ELP1: variants seen among roughly 807,000 people sequenced by gnomAD.
ELP1 encodes elongator acetyltransferase complex subunit 1.
A neutral mutation model predicts 183.2 loss-of-function variants in ELP1; 131 were observed. The ratio of observed to expected loss-of-function variants is 0.72; its 90% CI spans 0.62 to 0.83. ELP1 has a LOEUF of 0.83. ELP1 is among the 40% of genes least tolerant of loss of function. The pLI is 0.00. For missense variants in ELP1, 1,550 were observed against 1,594.9 expected (o/e 0.97, Z 0.48); for synonymous variants, 555 against 569.0 (o/e 0.98, Z 0.35).
At position 108,901,310 on chromosome 9, in the gene ELP1, C is replaced by G. The variant is rs1587896667; in HGVS notation, c.2014+115G>C. The G allele has an allele frequency of 2.7e-6, 2 of 738,894 alleles. 1 individual carries two copies. The highest frequency in any genetic ancestry group is 5.4e-5 in the East Asian group (2 of 37,382). 45.8% of individuals were successfully genotyped at this position (738,894 alleles called of 1,614,324 possible). The stretch of plus-strand genomic sequence containing the variant: ...AGTAAAATAACTCTAAAGATTTTCT[C>G]CAGCCTAGGACTCCTTGATAAAAAG... On this transcript the variant is annotated intron_variant, in intron 18 of 36. Coordinates refer to ENST00000374647, the MANE Select transcript of ELP1 (RefSeq NM_003640.5).
intron 15 of ELP1, 77 bp from the exon 16 acceptor site, chr9:108,903,019 A>G: frequency 1.0e-6 from 1 of 985,464 alleles, no homozygotes; most frequent in South Asian, 1.3e-5. Context: ...ACATTTGCTA[A>G]AACACTTAAC....
At chr9:108,912,526 A>C in intron 10 of ELP1, 32 bp from the exon 11 acceptor site, 1 of 1,524,636 alleles carries the variant, frequency 6.6e-7, no homozygotes, top group South Asian at 1.1e-5. Context: ...AGGCCGTTAG[A>C]GGCTGGGAAG....
intron 10 of ELP1, among the ~76,000 whole-genome samples, chr9:108,914,349 G>C (rs1413180291): frequency 7.9e-6 from 1 of 126,162 alleles, no homozygotes; most frequent in East Asian, 2.9e-4. Flanking sequence ...CAGTGACCGA[G>C]ATCGGGCCAC....
chr9:108,906,079 A>G (rs1266724007), intron 14 of ELP1, among the ~76,000 whole-genome samples: 1 of 152,162 alleles, frequency 6.6e-6, no homozygotes, highest in Non-Finnish European at 1.5e-5. Context: ...AAGTTGCTTC[A>G]TCTACTAATA....
intron 28 of ELP1, 154 bp from the exon 29 acceptor site, chr9:108,889,547 G>A: frequency 2.8e-6 from 2 of 712,172 alleles, no homozygotes; most frequent in Non-Finnish European, 2.5e-6. Context: ...TATCTTAAAT[G>A]GCAGCTAGAA....
At position 108,909,599 on chromosome 9, in the gene ELP1, AG is replaced by A. The variant is rs560082583; in HGVS notation, c.1361-1196del. Reference sequence around the variant, plus strand: ...TCCCCAGTGGGTTCTTTAACTTCTCAGGGTTTTTACTTCATGGATTTGTTAT... The same window carrying A: ...TCCCCAGTGGGTTCTTTAACTTCTCAGGTTTTTACTTCATGGATTTGTTAT... On this transcript the variant is annotated intron_variant, in intron 12 of 36. Transcript: ENST00000374647. Among the ~76,000 whole-genome samples the A allele has an allele frequency of 7.0e-4, 106 of 152,240 alleles. 4 individuals carry two copies. The South Asian group carries it at 0.021, about 31-fold the overall frequency.
chr9:108,874,244 T>C (rs973458470), intron 36 of ELP1, among the ~76,000 whole-genome samples: 1 of 152,198 alleles, frequency 6.6e-6, no homozygotes, highest in African/African-American at 2.4e-5. Flanking sequence ...GATCCAACTA[T>C]AAGTAAGGGC....
rs908952171 is a variant in ELP1 at position 108,908,385 on chromosome 9, G to A, written c.1380C>T (p.Asp460=). 1 of 1,614,008 alleles carries A rather than the reference G, an allele frequency of 6.2e-7. No homozygotes were observed. ...CCACAGCTCCCAGTTTCACTGTAGG[G>A]TCAGCACTTGGACAATCACCTGGAA... ...VYKCGDCPSA[D]PTVKLGAVGG... The change falls in exon 13 of 37, where the codon GAC becomes GAT. Residue 460 remains aspartate, a synonymous_variant. Coordinates refer to ENST00000374647, the MANE Select transcript of ELP1 (RefSeq NM_003640.5).
Position 108,893,006 on chromosome 9 carries a change from G to A in ELP1, c.2938C>T (p.Pro980Ser), listed in dbSNP as rs1278748548. ...LYNEALKLYS[P>S]SSQQYQDISI... ...CATACCTGGTACTGTTGTGAGCTTG[G>A]TGAATATAACTTCAGAGCTTCGTTA... The change falls in exon 27 of 37, where the codon CCA (proline) becomes TCA (serine). Residue 980 changes from proline (P) to serine (S), a missense_variant. Transcript: ENST00000374647. The A allele has an allele frequency of 1.9e-6, 3 of 1,613,386 alleles. No individual in the cohort carries two copies. The highest frequency in any genetic ancestry group is 2.5e-6 in the Non-Finnish European group (3 of 1,179,444).
intron 35 of ELP1, among the ~76,000 whole-genome samples, chr9:108,876,753 C>T (rs1264076578): frequency 1.0e-4 from 14 of 133,968 alleles, no homozygotes; most frequent in Non-Finnish European, 1.6e-4. Context: ...TTTTTTTAAA[C>T]GGAGATTCGC....
At position 108,911,188 on chromosome 9, in the gene ELP1, G is replaced by A. The variant is rs1829210810; in HGVS notation, c.1190-8C>T. ...CTGTCACCAACACCCTGTCTGCAGT[G>A]AAAAAGAAAGAAGAGGATTAGACCT... On this transcript the variant is annotated splice_polypyrimidine_tract_variant and splice_region_variant and intron_variant, in intron 11 of 36. Coordinates refer to ENST00000374647, the MANE Select transcript of ELP1 (RefSeq NM_003640.5). The A allele has an allele frequency of 6.2e-7, 1 of 1,613,676 alleles. No homozygotes were observed. Among genetic ancestry groups the A allele is most frequent in the South Asian group, 1.1e-5 (1 of 91,000 alleles).
intron 10 of ELP1, among the ~76,000 whole-genome samples, chr9:108,915,745 C>G (rs1772044): frequency 0.57 from 86,438 of 151,088 alleles, 24,979 homozygotes; most frequent in South Asian, 0.7. Flanking sequence ...TACACAGGTC[C>G]ATTTATATTC....
rs878948977 is a variant in ELP1, at chr9:108,908,169, A to T, written c.1460+136T>A. 5.6e-6 allele frequency: 4 copies of T among 708,636 alleles called. No individual in the cohort carries two copies. In the South Asian group the frequency reaches 6.4e-5, roughly 11 times the overall value. The allele number at this position is 708,636 out of a possible 1,614,324, so 43.9% of individuals were successfully genotyped here. A position where few individuals can be genotyped will look rare whatever the true frequency, so the allele number is the denominator to read the frequency against. Reference sequence around the variant, plus strand: ...TGACTGGCTTCTCCAATCAGATCCGAAAGTCAGGGCCTGGGTGTTGTCTTT... The same window carrying T: ...TGACTGGCTTCTCCAATCAGATCCGTAAGTCAGGGCCTGGGTGTTGTCTTT... On this transcript the variant is annotated intron_variant, in intron 13 of 36. Coordinates refer to ENST00000374647, the MANE Select transcript of ELP1 (RefSeq NM_003640.5).
chr9:108,929,205 T>C (rs1299977232), intron 3 of ELP1, among the ~76,000 whole-genome samples: 1 of 152,170 alleles, frequency 6.6e-6, no homozygotes, highest in African/African-American at 2.4e-5. Flanking sequence ...CCAAGTGTAA[T>C]TTGAAACCCT....
At chr9:108,929,060 G>A (rs372901332) in intron 3 of ELP1, among the ~76,000 whole-genome samples, 1 of 152,204 alleles carries the variant, frequency 6.6e-6, no homozygotes, top group Non-Finnish European at 1.5e-5. Context: ...TTTAAAAAGT[G>A]CCAGGCACAT....
chr9:108,872,648 C>T (rs1827504845), intron 36 of ELP1, among the ~76,000 whole-genome samples: 1 of 150,624 alleles, frequency 6.6e-6, no homozygotes, highest in Non-Finnish European at 1.5e-5. Flanking sequence ...ACTAAAAATA[C>T]AAAAAAATTA....
chr9:108,881,482 T>C (rs1272375999), intron 31 of ELP1, among the ~76,000 whole-genome samples: 1 of 152,236 alleles, frequency 6.6e-6, no homozygotes, highest in East Asian at 1.9e-4. Context: ...TTCTTAATCA[T>C]ATTTGATCAC....
Position 108,896,329 on chromosome 9 carries a change from T to A in ELP1, c.2736+167A>T, listed in dbSNP as rs904289578. On this transcript the variant is annotated intron_variant, in intron 25 of 36. Transcript: ENST00000374647. ...CAACCTCACAATCAAAACACTTTCA[T>A]AAGCACAGGGGCTTAGGAATGTGGG... Among the ~76,000 whole-genome samples, 29 of 152,194 alleles carry A rather than the reference T, an allele frequency of 1.9e-4. 1 individual carries two copies. Among genetic ancestry groups the A allele is most frequent in the Admixed American group, 1.8e-3 (28 of 15,274 alleles).
intron 15 of ELP1, among the ~76,000 whole-genome samples, 174 bp from the exon 16 acceptor site, chr9:108,903,116 T>C (rs1587898808): frequency 2.0e-5 from 3 of 152,202 alleles, no homozygotes; most frequent in Non-Finnish European, 1.5e-5. Flanking sequence ...CTAGGGTACA[T>C]GTGCACAATG....
Sources: gnomAD v4.1 joint callset for allele counts (sites outside exome capture counted in the v4.1 genomes callset) on GRCh38, gnomAD v4.1.1 for gene constraint, MANE v1.5 for transcripts, NCBI Gene and HGNC (gene_info 2026-07-23, HGNC 2026-07-21) for gene names.